FANCC: variants seen among roughly 807,000 people sequenced by gnomAD.
FANCC encodes Fanconi anemia group C protein.
FANCC carries 55 observed loss-of-function variants against 71.3 expected under a neutral mutation model. That is an observed-to-expected ratio of 0.77 (90% CI 0.62 to 0.97). FANCC has a LOEUF of 0.97. FANCC is among the 50% of genes least tolerant of loss of function. The pLI, the probability that FANCC is intolerant of heterozygous loss-of-function variation, is 0.00. For missense variants in FANCC, 678 were observed against 670.9 expected (o/e 1.01, Z -0.12); for synonymous variants, 275 against 244.9 (o/e 1.12, Z -1.15).
chr9:95,236,786 A>G (rs966786447), intron 4 of FANCC, among the ~76,000 whole-genome samples: 1 of 152,194 alleles, frequency 6.6e-6, no homozygotes, highest in Admixed American at 6.5e-5. Flanking sequence ...GGTAGGCCCT[A>G]ATAAATGCTT....
intron 7 of FANCC, among the ~76,000 whole-genome samples, chr9:95,139,026 C>T (rs1247028789): frequency 6.6e-6 from 1 of 152,196 alleles, no homozygotes; most frequent in Non-Finnish European, 1.5e-5. Context: ...TCTTTGTAAT[C>T]ACCCCTGAAT....
chr9:95,104,609 G>A (rs898166616), intron 14 of FANCC, among the ~76,000 whole-genome samples: 24 of 152,334 alleles, frequency 1.6e-4, no homozygotes, highest in African/African-American at 5.5e-4. Flanking sequence ...TTTGAATGTG[G>A]ACTGAAAGTT....
At chr9:95,230,190 T>C (rs1829913499) in intron 4 of FANCC, among the ~76,000 whole-genome samples, 1 of 152,184 alleles carries the variant, frequency 6.6e-6, no homozygotes, top group South Asian at 2.1e-4. Context: ...TCCCCAGCAG[T>C]TCCAGCCTAG....
Position 95,124,498 on chromosome 9 carries a change from G to A in FANCC, c.996+588C>T, listed in dbSNP as rs529242114. ...ACAATCTTCTGCAGGGTGCGGGCCT[G>A]GCCTTTGGTTTACTGACTGTGTCTA... On this transcript the variant is annotated intron_variant, in intron 10 of 14. Coordinates refer to ENST00000289081, the MANE Select transcript of FANCC (RefSeq NM_000136.3). Among the ~76,000 whole-genome samples, 9 of 152,276 alleles carry A rather than the reference G, an allele frequency of 5.9e-5. No homozygotes were observed. In the East Asian group the frequency reaches 1.7e-3, roughly 29 times the overall value.
chr9:95,120,137 ATCTT>A (rs1196734814), intron 10 of FANCC, among the ~76,000 whole-genome samples: 7 of 152,238 alleles, frequency 4.6e-5, no homozygotes, highest in Non-Finnish European at 8.8e-5. Context: ...TAGGGGCTTT[ATCTT>A]TCTAACATTT....
At chr9:95,266,359 C>T (rs561399624) in intron 1 of FANCC, among the ~76,000 whole-genome samples, 1 of 152,322 alleles carries the variant, frequency 6.6e-6, no homozygotes, top group East Asian at 1.9e-4. Flanking sequence ...TCACTTTGGA[C>T]TAACCATGTA....
chr9:95,181,084 G>A (rs1478964112), intron 4 of FANCC, among the ~76,000 whole-genome samples: 1 of 151,980 alleles, frequency 6.6e-6, no homozygotes, highest in East Asian at 1.9e-4. Context: ...CTCAGTGGAT[G>A]CCGGAAACCT....
chr9:95,292,977 G>C, intron 1 of FANCC: 2 of 1,578,388 alleles, frequency 1.3e-6, no homozygotes, highest in Non-Finnish European at 1.7e-6. Context: ...AACTGGCCAC[G>C]AGATCCCTGC....
At chr9:95,136,375 C>T (rs1271341506) in intron 7 of FANCC, among the ~76,000 whole-genome samples, 1 of 151,922 alleles carries the variant, frequency 6.6e-6, no homozygotes, top group Non-Finnish European at 1.5e-5. Context: ...AGAGCAAGAC[C>T]CTGTCTCAAA....
In FANCC at chr9:95,099,789, G is replaced by T. The variant is rs2071018246; in HGVS notation, c.*1918C>A. ...CTCGGCAGCTGTGAAGGAACTGGGA[G>T]ATTCTGCAGATGGGCCGAGGTCAGG... On this transcript the variant is annotated 3_prime_UTR_variant, in exon 15 of 15. Transcript: ENST00000289081. The T allele has an allele frequency of 4.3e-6, 1 of 232,366 alleles. No individual in the cohort carries two copies. Among genetic ancestry groups the T allele is most frequent in the South Asian group, 1.8e-4 (1 of 5,534 alleles). The allele number at this position is 232,366 out of a possible 1,614,324, so 14.4% of individuals were successfully genotyped here. A position where few individuals can be genotyped will look rare whatever the true frequency, so the allele number is the denominator to read the frequency against.
Position 95,312,351 on chromosome 9 carries a change from A to C in FANCC, c.-79+5175T>G, listed in dbSNP as rs368748889. Among the ~76,000 whole-genome samples, 17 of 152,252 alleles carry C rather than the reference A, an allele frequency of 1.1e-4. No individual in the cohort carries two copies. In the South Asian group the frequency reaches 3.3e-3, roughly 30 times the overall value. On this transcript the variant is annotated intron_variant, in intron 1 of 14. Transcript: ENST00000289081. ...GAATAAGGAAAGTCAACTATAAATA[A>C]TTACTGTTGTTGTTGTCATTTTCTT...
chr9:95,288,436 G>T (rs1168696033), intron 1 of FANCC, among the ~76,000 whole-genome samples: 1 of 152,124 alleles, frequency 6.6e-6, no homozygotes, highest in East Asian at 1.9e-4. Context: ...CTTTGAATAG[G>T]CTTTGACTGT....
At position 95,204,513 on chromosome 9, in the gene FANCC, G is replaced by A. The variant is rs564904742; in HGVS notation, c.346-32366C>T. The stretch of plus-strand genomic sequence containing the variant: ...TTTCAAAACACAATTTTTGTGTGTA[G>A]GCGGGTTGGCCTTGGTGTCTTAATG... On this transcript the variant is annotated intron_variant, in intron 4 of 14. Transcript: ENST00000289081. Among the ~76,000 whole-genome samples, 8 of 152,294 alleles carry A rather than the reference G, an allele frequency of 5.3e-5. No homozygotes were observed. In the South Asian group the frequency reaches 1.7e-3, roughly 32 times the overall value.
chr9:95,123,909 G>A (rs1825522061), intron 10 of FANCC: 1 of 434,756 alleles, frequency 2.3e-6, no homozygotes, highest in East Asian at 5.0e-5. Flanking sequence ...CTATTCTCTT[G>A]AGAAAAATAA....
At position 95,196,179 on chromosome 9, in the gene FANCC, G is replaced by A. The variant is rs761729289; in HGVS notation, c.346-24032C>T. Among the ~76,000 whole-genome samples, 12 of 152,184 alleles carry A rather than the reference G, an allele frequency of 7.9e-5. No individual in the cohort carries two copies. The South Asian group carries it at 8.3e-4, about 11-fold the overall frequency. On this transcript the variant is annotated intron_variant, in intron 4 of 14. Transcript: ENST00000289081. ...AACGAATCTCCTTGCCTTGTTTCTG[G>A]TCTTGGGGGGAAGTATTCAATCTTT...
At chr9:95,181,826 C>G (rs1424009474) in intron 4 of FANCC, among the ~76,000 whole-genome samples, 3 of 152,212 alleles carry the variant, frequency 2.0e-5, no homozygotes, top group African/African-American at 7.2e-5. Flanking sequence ...TGTGAAAAGC[C>G]ATTGAATGTG....
At chr9:95,234,430 A>C (rs950619983) in intron 4 of FANCC, among the ~76,000 whole-genome samples, 7 of 152,252 alleles carry the variant, frequency 4.6e-5, no homozygotes, top group Admixed American at 6.5e-5. Context: ...TCACAATGCC[A>C]ATCAAAATGC....
At chr9:95,243,860 C>G (rs1830777529) in intron 3 of FANCC, among the ~76,000 whole-genome samples, 1 of 152,158 alleles carries the variant, frequency 6.6e-6, no homozygotes, top group East Asian at 1.9e-4. Context: ...AAGCGCCCAA[C>G]TAGTCAAACA....
At chr9:95,213,873 T>TGG (rs2135891553) in intron 4 of FANCC, among the ~76,000 whole-genome samples, 1 of 152,232 alleles carries the variant, frequency 6.6e-6, no homozygotes, top group African/African-American at 2.4e-5. Flanking sequence ...ACCCACAGAA[T>TGG]GGGAGAAAAT....
Sources: allele counts gnomAD v4.1 joint callset (sites outside exome capture counted in the v4.1 genomes callset), GRCh38; gene constraint gnomAD v4.1.1; transcripts MANE v1.5; gene names NCBI Gene and HGNC (gene_info 2026-07-23, HGNC 2026-07-21).